The following FHAD1 variants were observed in gnomAD, a reference collection of about 807,000 sequenced individuals.
FHAD1 encodes the protein forkhead-associated domain-containing protein 1.
Under a neutral mutation model 191.3 loss-of-function variants are expected in FHAD1, and 146 were observed. That is an observed-to-expected ratio of 0.76 (90% CI 0.67 to 0.88). FHAD1 has a LOEUF of 0.88. Among genes scored for constraint, FHAD1 ranks in the 40% least tolerant of loss-of-function variants. The pLI is 0.00. For missense variants in FHAD1, 1,635 were observed against 1,785.8 expected (o/e 0.92, Z 1.52); for synonymous variants, 616 against 672.3 (o/e 0.92, Z 1.29).
intron 23 of FHAD1, 72 bp downstream of exon 23, chr1:15,362,798 C>T (rs1272235750): frequency 8.5e-6 from 10 of 1,171,730 alleles, no homozygotes; most frequent in Non-Finnish European, 1.2e-5. Context: ...AACAGGCAAC[C>T]AGCCCCTACC....
chr1:15,272,266 T>C, intron 2 of FHAD1, 57 bp from the exon 3 acceptor site: 1 of 1,484,476 alleles, frequency 6.7e-7, no homozygotes, highest in Non-Finnish European at 9.2e-7. Context: ...CTCAAAACAT[T>C]AGGGGCCGTG....
At chr1:15,300,948 G>T (rs1367268281) in intron 5 of FHAD1, among the ~76,000 whole-genome samples, 1 of 152,086 alleles carries the variant, frequency 6.6e-6, no homozygotes, top group African/African-American at 2.4e-5. Flanking sequence ...TCCTGCCTCA[G>T]CCTCCCAAGT....
At chr1:15,271,140 G>GAAAAA (rs543401814) in intron 2 of FHAD1, among the ~76,000 whole-genome samples, 7 of 76,680 alleles carry the variant, frequency 9.1e-5, no homozygotes, top group South Asian at 4.7e-4. Context: ...CTCCATCTCG[G>GAAAAA]AAAAAAAAAA....
intron 14 of FHAD1, among the ~76,000 whole-genome samples, chr1:15,338,879 G>A (rs1685362967): frequency 6.6e-6 from 1 of 152,048 alleles, no homozygotes; most frequent in African/African-American, 2.4e-5. Flanking sequence ...GGAGGTCTTG[G>A]CTTTAGACCA....
At chr1:15,254,743 G>A (rs1647231403) in intron 2 of FHAD1, among the ~76,000 whole-genome samples, 1 of 152,166 alleles carries the variant, frequency 6.6e-6, no homozygotes, top group Non-Finnish European at 1.5e-5. Flanking sequence ...GCTCCCGAGA[G>A]AACAGATGAT....
downstream of FHAD1, among the ~76,000 whole-genome samples, chr1:15,398,823 C>CTT (rs1172501958): frequency 2.7e-3 from 380 of 142,800 alleles, 1 homozygote; most frequent in African/African-American, 9.3e-3. Flanking sequence ...ATCATGAATA[C>CTT]TTTTTTTTTT....
chr1:15,352,831 T>C (rs1279532774), intron 19 of FHAD1, 46 bp from the exon 20 acceptor site: 1 of 1,405,366 alleles, frequency 7.1e-7, no homozygotes, highest in Non-Finnish European at 9.8e-7. Context: ...CAGTGTCATT[T>C]CCCTTTGAGG....
At chr1:15,282,243 G>A (rs1032236863) in intron 3 of FHAD1, among the ~76,000 whole-genome samples, 1 of 152,138 alleles carries the variant, frequency 6.6e-6, no homozygotes, top group Non-Finnish European at 1.5e-5. Flanking sequence ...GCCCTTCACT[G>A]GGCACTGGGT....
chr1:15,296,580 A>T lies in FHAD1; in HGVS notation c.569-104A>T. 2.8e-6 allele frequency: 3 copies of T among 1,071,348 alleles called. No individual in the cohort carries two copies. In the South Asian group the frequency reaches 4.1e-5, roughly 14 times the overall value. The allele number at this position is 1,071,348 out of a possible 1,614,324, so 66.4% of individuals were successfully genotyped here. ...TAATTTTTAAATTACATAAAATATC[A>T]ATCTCTGGGGGGAAACAAACAGGAA... On this transcript the variant is annotated intron_variant, in intron 4 of 33. Coordinates refer to ENST00000688493, the MANE Select transcript of FHAD1 (RefSeq NM_001391957.1).
chr1:15,336,900 C>T (rs929756863), intron 14 of FHAD1, among the ~76,000 whole-genome samples: 1 of 152,248 alleles, frequency 6.6e-6, no homozygotes, highest in East Asian at 1.9e-4. Flanking sequence ...TCATTCCCAG[C>T]AGCCCCCTTC....
intron 1 of FHAD1, among the ~76,000 whole-genome samples, chr1:15,250,669 A>G (rs1470897438): frequency 1.3e-5 from 2 of 152,196 alleles, no homozygotes; most frequent in Admixed American, 6.5e-5. Flanking sequence ...TGCCTCTCCA[A>G]TGATAACTCT....
At chr1:15,333,841 T>TTTTTTTTTTTTTTTTTC in intron 14 of FHAD1, among the ~76,000 whole-genome samples, 1 of 145,086 alleles carries the variant, frequency 6.9e-6, no homozygotes, top group Non-Finnish European at 1.5e-5. Context: ...TTTTTTTTTT[T>TTTTTTTTTTTTTTTTTC]TTTTTTTTTG....
At chr1:15,376,682 G>A (rs569265025) in intron 28 of FHAD1, among the ~76,000 whole-genome samples, 5 of 152,272 alleles carry the variant, frequency 3.3e-5, no homozygotes, top group South Asian at 2.1e-4. Flanking sequence ...TCTGGAAAGC[G>A]CTTAGCCTAG....
At chr1:15,302,579 G>T (rs185090150) in intron 6 of FHAD1, among the ~76,000 whole-genome samples, 1 of 152,268 alleles carries the variant, frequency 6.6e-6, no homozygotes, top group African/African-American at 2.4e-5. Context: ...CAAAAAATTA[G>T]CCAGGTGTGG....
chr1:15,340,301 C>T (rs1348322038), intron 15 of FHAD1, among the ~76,000 whole-genome samples: 1 of 152,176 alleles, frequency 6.6e-6, no homozygotes, highest in Admixed American at 6.5e-5. Context: ...AATAAACAAC[C>T]ACAAAACTTC....
exon 1 of FHAD1, among the ~76,000 whole-genome samples, chr1:15,236,608 G>A (rs1644816383): frequency 6.6e-6 from 1 of 152,254 alleles, no homozygotes; most frequent in African/African-American, 2.4e-5. Flanking sequence ...AAGCTGAGAA[G>A]ATGTAAGGAC....
chr1:15,375,479 C>T, intron 27 of FHAD1, 124 bp from the exon 28 acceptor site: 2 of 913,152 alleles, frequency 2.2e-6, no homozygotes, highest in East Asian at 5.5e-5. Flanking sequence ...TCCTCATCTG[C>T]CACGGGAGGT....
intron 5 of FHAD1, among the ~76,000 whole-genome samples, chr1:15,298,534 T>G (rs1192035156): frequency 6.6e-6 from 1 of 152,208 alleles, no homozygotes; most frequent in Non-Finnish European, 1.5e-5. Context: ...CATCCTGGGC[T>G]TCTTCATAGC....
At chr1:15,348,367 T>A (rs1358738370) in intron 18 of FHAD1, among the ~76,000 whole-genome samples, 1 of 152,224 alleles carries the variant, frequency 6.6e-6, no homozygotes, top group Non-Finnish European at 1.5e-5. Context: ...GCCCTTCTCA[T>A]GGTGACTGGA....
Sources: gnomAD v4.1 joint callset for allele counts (sites outside exome capture counted in the v4.1 genomes callset) on GRCh38, gnomAD v4.1.1 for gene constraint, MANE v1.5 for transcripts, NCBI Gene and HGNC (gene_info 2026-07-23, HGNC 2026-07-21) for gene names.